The following TENM2 variants were observed in gnomAD, a reference collection of about 807,000 sequenced individuals.
The protein encoded by TENM2 is teneurin transmembrane protein 2.
TENM2 carries 52 observed loss-of-function variants against 245.2 expected under a neutral mutation model. That is an observed-to-expected ratio of 0.21 (90% CI 0.17 to 0.27). TENM2 has a LOEUF of 0.27. Among genes scored for constraint, TENM2 ranks in the 10% least tolerant of loss-of-function variants. The pLI is 1.00. For synonymous variants in TENM2, 1,363 were observed against 1,438.9 expected, an observed-to-expected ratio of 0.95 and a Z score of 1.19; for missense variants, 3,046 against 3,666.8, an observed-to-expected ratio of 0.83 and a Z score of 4.37.
In TENM2 at chr5:167,309,060, G is replaced by T. The variant is rs530632611; in HGVS notation, c.226+23997G>T. On this transcript the variant is annotated intron_variant, in intron 1 of 28. Transcript: ENST00000518659. ...ATTGTGTGTGTTTGGTGGGGTGGGTGGGGGGGAGGTTTAAATGATAAAAAA... is the reference window on the plus strand; with the variant it reads ...ATTGTGTGTGTTTGGTGGGGTGGGTTGGGGGGAGGTTTAAATGATAAAAAA... Among the ~76,000 whole-genome samples, 22 of 149,036 alleles carry T rather than the reference G, an allele frequency of 1.5e-4. 1 individual carries two copies. Among genetic ancestry groups the T allele is most frequent in the Admixed American group, 1.3e-3 (19 of 14,988 alleles).
chr5:167,225,930 A>C, the TENM2 span, among the ~76,000 whole-genome samples: 33,102 of 151,770 alleles, frequency 0.22, 4,395 homozygotes, highest in African/African-American at 0.38. Context: ...TGTTTCCTCT[A>C]GGTTTTCTAG....
At chr5:167,005,655 G>GTTTTTTTTTTTTTTTTTTTTTTTTTT in the TENM2 span, among the ~76,000 whole-genome samples, 1 of 52,976 alleles carries the variant, frequency 1.9e-5, no homozygotes, top group Non-Finnish European at 3.2e-5. Context: ...CTGTGTGTGG[G>GTTTTTTTTTTTTTTTTTTTTTTTTTT]TTTTTTTTTT....
intron 7 of TENM2, among the ~76,000 whole-genome samples, chr5:168,079,875 G>A (rs1197387255): frequency 5.3e-5 from 8 of 152,136 alleles, no homozygotes; most frequent in African/African-American, 7.2e-5. Context: ...CATCAGGGAT[G>A]TTGGTCTAAA....
At chr5:167,719,818 T>A (rs1404860009) in intron 2 of TENM2, among the ~76,000 whole-genome samples, 1 of 152,182 alleles carries the variant, frequency 6.6e-6, no homozygotes, top group Admixed American at 6.5e-5. Flanking sequence ...AATCCAGGGA[T>A]GCTGCTGAAC....
intron 2 of TENM2, among the ~76,000 whole-genome samples, chr5:167,378,378 C>CTTCTT (rs576878545): frequency 0.018 from 1,938 of 110,026 alleles, 25 homozygotes; most frequent in Admixed American, 0.023. Context: ...CTTTCTTCTT[C>CTTCTT]TTTTTTTTTT....
intron 2 of TENM2, among the ~76,000 whole-genome samples, chr5:167,872,512 GAA>G (rs1190950262): frequency 3.4e-4 from 4 of 11,656 alleles, no homozygotes; most frequent in South Asian, 0.015. Context: ...AAGAAAGAAA[GAA>G]AGAAAGAAAG....
chr5:167,162,439 C>T, the TENM2 span, among the ~76,000 whole-genome samples: 2 of 151,948 alleles, frequency 1.3e-5, no homozygotes, highest in South Asian at 2.1e-4. Context: ...ACCAACCTGG[C>T]CAACATGCTG....
chr5:168,048,124 G>A (rs910439603), intron 6 of TENM2, among the ~76,000 whole-genome samples: 7 of 148,882 alleles, frequency 4.7e-5, no homozygotes, highest in African/African-American at 1.2e-4. Context: ...CAGTGAAGGG[G>A]ACAATAGAAA....
chr5:166,992,162 GATAATTAC>G, the TENM2 span, among the ~76,000 whole-genome samples: 2 of 151,322 alleles, frequency 1.3e-5, no homozygotes, highest in African/African-American at 4.9e-5. Flanking sequence ...ATAGATAAAA[GATAATTAC>G]AATGTTACTT....
chr5:167,570,918 A>C (rs941555033), intron 2 of TENM2, among the ~76,000 whole-genome samples: 4 of 152,122 alleles, frequency 2.6e-5, no homozygotes, highest in African/African-American at 9.7e-5. Flanking sequence ...ATTTGGAGAA[A>C]GGGCTTGCTT....
At chr5:167,428,213 A>G (rs1427472458) in intron 2 of TENM2, among the ~76,000 whole-genome samples, 1 of 152,232 alleles carries the variant, frequency 6.6e-6, no homozygotes. Flanking sequence ...TTTTTAAAAA[A>G]TTAATTACTA....
At chr5:167,360,768 T>G (rs1581840348) in intron 1 of TENM2, among the ~76,000 whole-genome samples, 1 of 152,172 alleles carries the variant, frequency 6.6e-6, no homozygotes, top group African/African-American at 2.4e-5. Flanking sequence ...CTTATGAGGA[T>G]AGGTATTATT....
At position 168,122,485 on chromosome 5, in the gene TENM2, C is replaced by T. The variant is rs186937942; in HGVS notation, c.2009-2365C>T. Among the ~76,000 whole-genome samples, 310 of 152,226 alleles carry T rather than the reference C, an allele frequency of 2.0e-3. 1 individual carries two copies. The highest frequency in any genetic ancestry group is 7.0e-3 in the African/African-American group (290 of 41,544). ...GTCACCACGCCTGGCCCGCCCTTTG[C>T]CTTCTATGTGTTCGATGCTTTCAGC... On this transcript the variant is annotated intron_variant, in intron 10 of 28. Transcript: ENST00000518659.
chr5:167,688,459 C>A (rs755537529), intron 2 of TENM2, among the ~76,000 whole-genome samples: 1 of 152,060 alleles, frequency 6.6e-6, no homozygotes, highest in Non-Finnish European at 1.5e-5. Context: ...TGAGAATTTC[C>A]GTCATCATCC....
rs1254705323 is a variant in TENM2, at chr5:167,499,874, GTA to G, written c.502+124405_502+124406del. ...TGTGTGTGTGCATGTGTATGTGAGG[GTA>G]TATGTGTGTGTGTGTATATGTGTAT... On this transcript the variant is annotated intron_variant, in intron 2 of 28. Coordinates refer to ENST00000518659, the Ensembl canonical transcript of TENM2. Among the ~76,000 whole-genome samples, 16 of 146,472 alleles carry G rather than the reference GTA, an allele frequency of 1.1e-4. No homozygotes were observed. The South Asian group carries it at 1.8e-3, about 16-fold the overall frequency.
intron 2 of TENM2, among the ~76,000 whole-genome samples, chr5:167,476,652 G>T (rs1162262063): frequency 1.3e-5 from 2 of 152,154 alleles, no homozygotes; most frequent in African/African-American, 2.4e-5. Context: ...AGGCTGGGGT[G>T]CAATGGCATG....
intron 2 of TENM2, among the ~76,000 whole-genome samples, chr5:167,470,407 A>C (rs887702864): frequency 2.1e-5 from 3 of 144,874 alleles, no homozygotes; most frequent in African/African-American, 7.7e-5. Context: ...TGAAATTGTA[A>C]CATGATTCTG....
chr5:167,032,897 T>C, the TENM2 span, among the ~76,000 whole-genome samples: 2 of 152,204 alleles, frequency 1.3e-5, no homozygotes, highest in African/African-American at 4.8e-5. Flanking sequence ...ATCTTATATA[T>C]ATATTTTAAA....
chr5:167,971,744 A>G (rs1405697286), intron 4 of TENM2, among the ~76,000 whole-genome samples: 1 of 152,096 alleles, frequency 6.6e-6, no homozygotes, highest in African/African-American at 2.4e-5. Flanking sequence ...AACAAAAACA[A>G]AAAAAACCCT....
Sources: gnomAD v4.1 joint callset for allele counts (sites outside exome capture counted in the v4.1 genomes callset) on GRCh38, gnomAD v4.1.1 for gene constraint, MANE v1.5 for transcripts, NCBI Gene and HGNC (gene_info 2026-07-23, HGNC 2026-07-21) for gene names.